B3GLCT: variants seen among roughly 807,000 people sequenced by gnomAD.
The protein encoded by B3GLCT is beta 3-glucosyltransferase.
B3GLCT carries 65 observed loss-of-function variants against 63.4 expected under a neutral mutation model. The observed-to-expected ratio is 1.03, with a 90% CI of 0.84 to 1.26. B3GLCT has a LOEUF of 1.26. Among genes scored for constraint, B3GLCT ranks in the 50% most tolerant of loss-of-function variants. The pLI, the probability that B3GLCT is intolerant of heterozygous loss-of-function variation, is 0.00. For missense variants in B3GLCT, 577 were observed against 604.8 expected (o/e 0.95, Z 0.48); for synonymous variants, 233 against 219.2 (o/e 1.06, Z -0.55).
At chr13:31,294,531 T>C (rs1010428679) in intron 12 of B3GLCT, among the ~76,000 whole-genome samples, 1 of 152,242 alleles carries the variant, frequency 6.6e-6, no homozygotes, top group African/African-American at 2.4e-5. Context: ...TCTCTAATCT[T>C]GTCTTCACAC....
intron 3 of B3GLCT, among the ~76,000 whole-genome samples, chr13:31,228,237 C>G (rs1393310541): frequency 6.6e-6 from 1 of 152,132 alleles, no homozygotes; most frequent in Non-Finnish European, 1.5e-5. Context: ...GGAGATAACA[C>G]CTAATCCTGG....
chr13:31,314,158 C>T (rs377080957), intron 12 of B3GLCT, among the ~76,000 whole-genome samples: 1 of 152,156 alleles, frequency 6.6e-6, no homozygotes, highest in Non-Finnish European at 1.5e-5. Context: ...TCATGGAGAA[C>T]CTATGCTAGT....
intron 2 of B3GLCT, among the ~76,000 whole-genome samples, chr13:31,215,707 C>T (rs1869525681): frequency 6.6e-6 from 1 of 152,146 alleles, no homozygotes. Flanking sequence ...AGCCACCGCA[C>T]CCGGCCCAGT....
At chr13:31,299,272 G>A (rs1016301196) in intron 12 of B3GLCT, among the ~76,000 whole-genome samples, 3 of 152,158 alleles carry the variant, frequency 2.0e-5, no homozygotes, top group Non-Finnish European at 4.4e-5. Flanking sequence ...ATCAAACTAT[G>A]ACTCTGAGGA....
intron 4 of B3GLCT, among the ~76,000 whole-genome samples, chr13:31,244,603 A>G (rs1362562260): frequency 6.6e-6 from 1 of 152,224 alleles, no homozygotes; most frequent in Non-Finnish European, 1.5e-5. Flanking sequence ...ATAAATTATT[A>G]TAATCCTAAG....
At chr13:31,209,266 A>C (rs985459552) in intron 1 of B3GLCT, among the ~76,000 whole-genome samples, 3 of 152,174 alleles carry the variant, frequency 2.0e-5, no homozygotes, top group Non-Finnish European at 4.4e-5. Flanking sequence ...GCTGGGCTGC[A>C]GGGGTGTTTG....
At chr13:31,211,019 A>G (rs2137738200) in intron 1 of B3GLCT, among the ~76,000 whole-genome samples, 1 of 152,282 alleles carries the variant, frequency 6.6e-6, no homozygotes, top group East Asian at 1.9e-4. Context: ...CTAGAATTAC[A>G]GGCACGTGCC....
At chr13:31,207,308 GT>G (rs1869012630) in intron 1 of B3GLCT, among the ~76,000 whole-genome samples, 1 of 149,814 alleles carries the variant, frequency 6.7e-6, no homozygotes, top group South Asian at 2.1e-4. Context: ...TTGTTTGAAT[GT>G]TTGCTGTGTT....
intron 4 of B3GLCT, among the ~76,000 whole-genome samples, chr13:31,230,745 C>T (rs971294410): frequency 6.6e-6 from 1 of 152,164 alleles, no homozygotes; most frequent in Non-Finnish European, 1.5e-5. Context: ...TGCAGTGGCT[C>T]ACGCCTATAA....
intron 13 of B3GLCT, among the ~76,000 whole-genome samples, chr13:31,319,529 T>C (rs553068917): frequency 1.3e-5 from 2 of 152,360 alleles, no homozygotes; most frequent in East Asian, 1.9e-4. Context: ...GAAACACCCC[T>C]TTCTCTTGCT....
intron 9 of B3GLCT, 70 bp downstream of exon 9, chr13:31,274,698 T>C (rs1593290207): frequency 8.9e-6 from 14 of 1,571,134 alleles, no homozygotes; most frequent in Non-Finnish European, 1.1e-5. Context: ...AATGTCATCC[T>C]AGCACTTTAA....
chr13:31,331,469 A>G lies in B3GLCT; in HGVS notation c.*1801A>G, dbSNP rs912604. The stretch of plus-strand genomic sequence containing the variant: ...TACTTTTAAGTGTTTTGTTAATTAT[A>G]TTTACTTTTTGGAATGGTGTAAGCC... On this transcript the variant is annotated 3_prime_UTR_variant, in exon 15 of 15. Transcript: ENST00000343307. The G allele has an allele frequency of 0.68, 102,734 of 151,094 alleles. 35,703 individuals are homozygous for G. The highest frequency in any genetic ancestry group is 0.77 in the Non-Finnish European group (52,171 of 67,932). 9.4% of individuals were successfully genotyped at this position (151,094 alleles called of 1,614,324 possible).
At chr13:31,286,940 T>C (rs1873366538) in intron 12 of B3GLCT, 121 bp downstream of exon 12, 2 of 645,190 alleles carry the variant, frequency 3.1e-6, no homozygotes, top group Admixed American at 5.7e-5. Flanking sequence ...CCCTTCTATC[T>C]GAACCAATCC....
chr13:31,276,281 A>G (rs962473083), intron 9 of B3GLCT, among the ~76,000 whole-genome samples: 2 of 152,208 alleles, frequency 1.3e-5, no homozygotes, highest in Non-Finnish European at 2.9e-5. Flanking sequence ...CTTAATTTAC[A>G]CTAAAAAATC....
intron 7 of B3GLCT, among the ~76,000 whole-genome samples, chr13:31,264,039 T>C (rs1872173440): frequency 6.6e-6 from 1 of 152,072 alleles, no homozygotes; most frequent in African/African-American, 2.4e-5. Context: ...AGTTTTCTGG[T>C]TCCTTTCCTT....
rs1024997257 is a variant in B3GLCT at position 31,330,630 on chromosome 13, A to G, written c.*962A>G. On this transcript the variant is annotated 3_prime_UTR_variant, in exon 15 of 15. Coordinates refer to ENST00000343307, the MANE Select transcript of B3GLCT (RefSeq NM_194318.4). ...GGAAGGACAGCATGGTGATCAGGCA[A>G]TTTCTCTGGGTTCCCAAAGAATGAC... The G allele has an allele frequency of 1.3e-5, 2 of 151,552 alleles. No individual in the cohort carries two copies. The highest frequency in any genetic ancestry group is 2.4e-5 in the African/African-American group (1 of 41,270). 9.4% of individuals were successfully genotyped at this position (151,552 alleles called of 1,614,324 possible).
intron 4 of B3GLCT, among the ~76,000 whole-genome samples, chr13:31,230,145 G>A (rs1226733522): frequency 6.6e-6 from 1 of 151,780 alleles, no homozygotes; most frequent in Non-Finnish European, 1.5e-5. Flanking sequence ...ATTATGGAGA[G>A]AAAAATCTAC....
Position 31,329,796 on chromosome 13 carries a change from A to T in B3GLCT, c.*128A>T. The stretch of plus-strand genomic sequence containing the variant: ...TTGGGTGCTTCCTGACTTTAGGGGG[A>T]GATTTTATGTATGGTATTTTTTGAC... On this transcript the variant is annotated 3_prime_UTR_variant, in exon 15 of 15. Coordinates refer to ENST00000343307, the MANE Select transcript of B3GLCT (RefSeq NM_194318.4). The T allele has an allele frequency of 1.0e-6, 1 of 1,002,726 alleles. No individual in the cohort carries two copies. Among genetic ancestry groups the T allele is most frequent in the Middle Eastern group, 3.0e-4 (1 of 3,342 alleles). 62.1% of individuals were successfully genotyped at this position (1,002,726 alleles called of 1,614,324 possible).
In B3GLCT at chr13:31,228,864, G is replaced by A. The variant is rs552494833; in HGVS notation, c.161-321G>A. Among the ~76,000 whole-genome samples, 4 of 152,304 alleles carry A rather than the reference G, an allele frequency of 2.6e-5. No individual in the cohort carries two copies. In the South Asian group the frequency reaches 8.3e-4, roughly 32 times the overall value. On this transcript the variant is annotated intron_variant, in intron 3 of 14. Coordinates refer to ENST00000343307, the MANE Select transcript of B3GLCT (RefSeq NM_194318.4). ...TGTGAAAGTTAGATTTTCAGCTACT[G>A]GGAAGATTAGTGTTCTAGATATTTT...
Sources: allele counts gnomAD v4.1 joint callset (sites outside exome capture counted in the v4.1 genomes callset), GRCh38; gene constraint gnomAD v4.1.1; transcripts MANE v1.5; gene names NCBI Gene and HGNC (gene_info 2026-07-23, HGNC 2026-07-21).